The following ABLIM1 variants were observed in gnomAD, a reference collection of about 807,000 sequenced individuals.
The protein encoded by ABLIM1 is actin-binding LIM protein 1.
Under a neutral mutation model 107.0 loss-of-function variants are expected in ABLIM1, and 40 were observed. The observed-to-expected ratio is 0.37, with a 90% CI of 0.29 to 0.49. The LOEUF (loss-of-function observed/expected upper bound fraction) is 0.49, where lower values mean the gene tolerates loss of function less well. ABLIM1 is among the 20% of genes least tolerant of loss of function. The pLI is 0.97. For synonymous variants in ABLIM1, 357 were observed against 357.3 expected (o/e 1.00, Z 0.01); for missense variants, 857 against 1,008.5 (o/e 0.85, Z 2.04).
intron 2 of ABLIM1, among the ~76,000 whole-genome samples, chr10:114,596,838 C>A (rs1181325605): frequency 1.3e-5 from 2 of 152,152 alleles, no homozygotes; most frequent in Non-Finnish European, 2.9e-5. Context: ...CATTCCCAAA[C>A]TCATTTACAT....
intron 6 of ABLIM1, among the ~76,000 whole-genome samples, chr10:114,499,491 A>G (rs1316169205): frequency 5.3e-5 from 8 of 152,234 alleles, no homozygotes; most frequent in Admixed American, 5.2e-4. Flanking sequence ...CTAAGGATAT[A>G]CAAACACCTA....
intron 1 of ABLIM1, chr10:114,613,599 T>C (rs1441805734): frequency 1.8e-6 from 2 of 1,116,364 alleles, no homozygotes; most frequent in South Asian, 2.6e-5. Context: ...ATGTGAACCC[T>C]TTCTGAAAAG....
At chr10:114,689,351 T>C (rs959434936), upstream of ABLIM1, among the ~76,000 whole-genome samples, 5 of 149,360 alleles carry the variant, frequency 3.3e-5, no homozygotes, top group Admixed American at 2.7e-4. Flanking sequence ...CCATTTTTGT[T>C]TTTTGTATAT....
At chr10:114,777,985 G>A in the ABLIM1 span, 1 of 152,294 alleles carries the variant, frequency 6.6e-6, no homozygotes, top group Admixed American at 6.5e-5. Flanking sequence ...GCCATGATCT[G>A]CTACATTCTA....
chr10:114,790,554 C>G, the ABLIM1 span, among the ~76,000 whole-genome samples: 1 of 152,192 alleles, frequency 6.6e-6, no homozygotes, highest in African/African-American at 2.4e-5. Context: ...TCAAAAATTA[C>G]TAAAAATTTC....
intron 1 of ABLIM1, among the ~76,000 whole-genome samples, chr10:114,618,958 C>T (rs982535245): frequency 3.3e-4 from 51 of 152,242 alleles, no homozygotes; most frequent in African/African-American, 1.1e-3. Context: ...GAAGCCACTC[C>T]TGGGCTCTTG....
intron 13 of ABLIM1, 106 bp downstream of exon 13, chr10:114,453,273 T>C (rs2062169856): frequency 1.6e-6 from 2 of 1,234,434 alleles, no homozygotes; most frequent in African/African-American, 1.5e-5. Context: ...GTTTGTTAAC[T>C]GTGCATCCCA....
In ABLIM1 at chr10:114,432,841, A is replaced by T. The variant is rs1386552085; in HGVS notation, c.*3419T>A. The T allele has an allele frequency of 1.3e-5, 2 of 152,212 alleles. No individual in the cohort carries two copies. The highest frequency in any genetic ancestry group is 2.9e-5 in the Non-Finnish European group (2 of 68,042). 9.4% of individuals were successfully genotyped at this position (152,212 alleles called of 1,614,324 possible). A position where few individuals can be genotyped will look rare whatever the true frequency, so the allele number is the denominator to read the frequency against. ...TAACTCTATCTCTTTGAGGTTTTGG[A>T]GAACAGGAAGTTTATGTGAAGTTAT... On this transcript the variant is annotated 3_prime_UTR_variant, in exon 23 of 23. Coordinates refer to ENST00000533213, the MANE Select transcript of ABLIM1 (RefSeq NM_002313.7).
At chr10:114,723,696 G>A (rs752512388) in intron 1 of ABLIM1, among the ~76,000 whole-genome samples, 9 of 152,218 alleles carry the variant, frequency 5.9e-5, no homozygotes, top group Non-Finnish European at 8.8e-5. Flanking sequence ...TTGTGTTTCA[G>A]TGGAAAAGTA....
At chr10:114,511,350 T>C (rs952010461) in intron 6 of ABLIM1, among the ~76,000 whole-genome samples, 2 of 152,002 alleles carry the variant, frequency 1.3e-5, no homozygotes, top group Non-Finnish European at 2.9e-5. Flanking sequence ...ATTTTTTTTA[T>C]ACCCTTCTCA....
At chr10:114,569,999 C>T (rs1477053960) in intron 4 of ABLIM1, among the ~76,000 whole-genome samples, 2 of 152,214 alleles carry the variant, frequency 1.3e-5, no homozygotes, top group Non-Finnish European at 2.9e-5. Flanking sequence ...ACAAGTATAA[C>T]ACTTCTCTCT....
At position 114,491,738 on chromosome 10, in the gene ABLIM1, G is replaced by T. The variant is rs189376428; in HGVS notation, c.982+53C>A. 3.9e-3 allele frequency: 5,837 copies of T among 1,492,516 alleles called. 26 individuals carry two copies. The highest frequency in any genetic ancestry group is 0.015 in the Middle Eastern group (88 of 5,686). 92.5% of individuals were successfully genotyped at this position (1,492,516 alleles called of 1,614,324 possible). ...AAAAACAATCAAACAAACATAGCAA[G>T]ATTTCCTTTCCCCCAGCAAGGAAAA... On this transcript the variant is annotated intron_variant, in intron 7 of 22. Coordinates refer to ENST00000533213, the MANE Select transcript of ABLIM1 (RefSeq NM_002313.7).
intron 1 of ABLIM1, 113 bp from the exon 2 acceptor site, chr10:114,602,074 A>G: frequency 1.4e-6 from 2 of 1,379,998 alleles, no homozygotes; most frequent in Non-Finnish European, 2.0e-6. Flanking sequence ...TTGATTCGAC[A>G]GTGTGAACAG....
At position 114,433,403 on chromosome 10, in the gene ABLIM1, C is replaced by G. The variant is rs45613642; in HGVS notation, c.*2857G>C. On this transcript the variant is annotated 3_prime_UTR_variant, in exon 23 of 23. Coordinates refer to ENST00000533213, the MANE Select transcript of ABLIM1 (RefSeq NM_002313.7). ...CCACAACCCATCCCTCCAGCTGGAG[C>G]CTTTTGCTGGGAAATGGAGTAGGGG... is the stretch of plus-strand genomic sequence containing the variant. 1 of 152,172 alleles carries G rather than the reference C, an allele frequency of 6.6e-6. No individual in the cohort carries two copies. The highest frequency in any genetic ancestry group is 1.5e-5 in the Non-Finnish European group (1 of 68,032). 9.4% of individuals were successfully genotyped at this position (152,172 alleles called of 1,614,324 possible). A position where few individuals can be genotyped will look rare whatever the true frequency, so the allele number is the denominator to read the frequency against.
At chr10:114,593,999 C>A (rs1175159389) in intron 2 of ABLIM1, among the ~76,000 whole-genome samples, 1 of 152,160 alleles carries the variant, frequency 6.6e-6, no homozygotes, top group African/African-American at 2.4e-5. Context: ...AAGAAGCGAG[C>A]ACATTTATAT....
At chr10:114,733,836 C>T (rs542858915) in intron 1 of ABLIM1, among the ~76,000 whole-genome samples, 1 of 152,060 alleles carries the variant, frequency 6.6e-6, no homozygotes, top group South Asian at 2.1e-4. Context: ...GATTTGAGAA[C>T]CTTGCAACTT....
chr10:114,630,173 T>C (rs2078079078), intron 1 of ABLIM1, among the ~76,000 whole-genome samples: 1 of 152,214 alleles, frequency 6.6e-6, no homozygotes, highest in South Asian at 2.1e-4. Context: ...ATAGCAAGGC[T>C]AGGTCTTCCA....
intron 6 of ABLIM1, among the ~76,000 whole-genome samples, chr10:114,536,731 G>A (rs931920123): frequency 3.9e-5 from 6 of 152,170 alleles, no homozygotes; most frequent in African/African-American, 1.4e-4. Context: ...CAATACACAA[G>A]GTGACCAGTG....
intron 8 of ABLIM1, among the ~76,000 whole-genome samples, chr10:114,477,107 A>C (rs1391706060): frequency 3.3e-5 from 5 of 152,208 alleles, no homozygotes; most frequent in African/African-American, 9.7e-5. Context: ...ATTTGAACTC[A>C]GACACTCTAG....
Sources: gnomAD v4.1 joint callset for allele counts (sites outside exome capture counted in the v4.1 genomes callset) on GRCh38, gnomAD v4.1.1 for gene constraint, MANE v1.5 for transcripts, NCBI Gene and HGNC (gene_info 2026-07-23, HGNC 2026-07-21) for gene names.